The following INPP5A variants were observed in gnomAD, a reference collection of about 807,000 sequenced individuals.
The protein encoded by INPP5A is 43 kDa inositol polyphosphate 5-phophatase.
A neutral mutation model predicts 65.2 loss-of-function variants in INPP5A; 14 were observed. The ratio of observed to expected loss-of-function variants is 0.21; its 90% CI spans 0.14 to 0.34. INPP5A has a LOEUF of 0.34. Among genes scored for constraint, INPP5A ranks in the 10% least tolerant of loss-of-function variants. The pLI is 1.00. For synonymous variants in INPP5A, 207 were observed against 208.3 expected, an observed-to-expected ratio of 0.99 and a Z score of 0.05; for missense variants, 431 against 545.6, an observed-to-expected ratio of 0.79 and a Z score of 2.09.
intron 4 of INPP5A, among the ~76,000 whole-genome samples, chr10:132,658,036 C>T (rs967880024): frequency 1.3e-5 from 2 of 152,238 alleles, no homozygotes; most frequent in Non-Finnish European, 1.5e-5. Context: ...ACTGTCATAT[C>T]GATCTTTTTA....
In INPP5A at chr10:132,780,860, G is replaced by A. The variant is rs918202382; in HGVS notation, c.1101G>A (p.Glu367=). 1.9e-6 allele frequency: 3 copies of A among 1,613,334 alleles called. No homozygotes were observed. The highest frequency in any genetic ancestry group is 2.5e-6 in the Non-Finnish European group (3 of 1,179,910). ...TTTCCCCTTTCCAGTCGGAGAGCGA[G>A]GAGAAGGTTGTCACCTATGACCACA... ...AKELVLRSES[E]EKVVTYDHIG... is the part of the protein sequence containing the mutation. The change falls in exon 14 of 16, where the codon GAG becomes GAA. Residue 367 remains glutamate (E), a synonymous_variant. Transcript: ENST00000368594.
intron 2 of INPP5A, among the ~76,000 whole-genome samples, chr10:132,631,066 C>T (rs944888618): frequency 2.0e-5 from 3 of 152,202 alleles, no homozygotes; most frequent in African/African-American, 7.2e-5. Context: ...CCTGCTGGGT[C>T]CCACACCCCT....
At chr10:132,621,974 T>C (rs1388673340) in intron 2 of INPP5A, among the ~76,000 whole-genome samples, 1 of 152,196 alleles carries the variant, frequency 6.6e-6, no homozygotes, top group Non-Finnish European at 1.5e-5. Flanking sequence ...AGAACTTTAT[T>C]GGTAGAAGAC....
chr10:132,710,541 G>T (rs1036189154), intron 8 of INPP5A, 85 bp downstream of exon 8: 144 of 1,537,406 alleles, frequency 9.4e-5, no homozygotes, highest in Middle Eastern at 4.6e-4. Flanking sequence ...AGGTGTGGGC[G>T]GACAAGTAGG....
At chr10:132,716,281 G>A (rs760725364) in intron 8 of INPP5A, among the ~76,000 whole-genome samples, 5 of 152,174 alleles carry the variant, frequency 3.3e-5, no homozygotes, top group East Asian at 3.9e-4. Context: ...AGCACCTGTC[G>A]CTCCTTTGCA....
chr10:132,721,051 G>T (rs1309143163), intron 8 of INPP5A, among the ~76,000 whole-genome samples: 1 of 148,972 alleles, frequency 6.7e-6, no homozygotes, highest in African/African-American at 2.5e-5. Context: ...CTGTCTGGGG[G>T]CCTTAGATGG....
At chr10:132,683,435 C>G (rs554839649) in intron 4 of INPP5A, among the ~76,000 whole-genome samples, 1 of 152,336 alleles carries the variant, frequency 6.6e-6, no homozygotes, top group South Asian at 2.1e-4. Flanking sequence ...TGCGGTGACA[C>G]AGCAAGGCTG....
chr10:132,629,886 A>G (rs1036304932), intron 2 of INPP5A, among the ~76,000 whole-genome samples: 3 of 151,986 alleles, frequency 2.0e-5, no homozygotes, highest in Non-Finnish European at 2.9e-5. Flanking sequence ...GGGAAAGACA[A>G]TCATAAGGGG....
At chr10:132,634,263 G>T (rs553501451) in intron 2 of INPP5A, among the ~76,000 whole-genome samples, 3 of 151,596 alleles carry the variant, frequency 2.0e-5, no homozygotes, top group Non-Finnish European at 2.9e-5. Flanking sequence ...CATCTCCCTT[G>T]GCAGGTGTGC....
chr10:132,571,259 G>A (rs2133284296), intron 1 of INPP5A, among the ~76,000 whole-genome samples: 1 of 152,392 alleles, frequency 6.6e-6, no homozygotes, highest in South Asian at 2.1e-4. Flanking sequence ...AAGCAGCGAG[G>A]CCAGAGGCTC....
At chr10:132,667,683 C>T (rs748348119) in intron 4 of INPP5A, among the ~76,000 whole-genome samples, 6 of 152,174 alleles carry the variant, frequency 3.9e-5, no homozygotes, top group Non-Finnish European at 2.9e-5. Flanking sequence ...TTTTAATTTA[C>T]ACTGATATAG....
At position 132,696,972 on chromosome 10, in the gene INPP5A, G is replaced by C. The variant is rs548523695; in HGVS notation, c.371-844G>C. Reference sequence around the variant, plus strand: ...CCCCCTCTGTTCCTCCTGCCATAGTGGGGTGGATAATACCCCAGAAACTGC... The same window carrying C: ...CCCCCTCTGTTCCTCCTGCCATAGTCGGGTGGATAATACCCCAGAAACTGC... On this transcript the variant is annotated intron_variant, in intron 5 of 15. Coordinates refer to ENST00000368594, the MANE Select transcript of INPP5A (RefSeq NM_005539.5). 3.5e-4 allele frequency among the ~76,000 whole-genome samples: 53 copies of C among 152,346 alleles called. No homozygotes were observed. The East Asian group carries it at 7.7e-3, about 22-fold the overall frequency.
chr10:132,580,707 A>G (rs902329595), intron 1 of INPP5A, among the ~76,000 whole-genome samples: 1 of 152,222 alleles, frequency 6.6e-6, no homozygotes, highest in Admixed American at 6.5e-5. Context: ...TATAGCTAAC[A>G]CTTGTTTATC....
intron 4 of INPP5A, among the ~76,000 whole-genome samples, chr10:132,681,489 C>T (rs1209272054): frequency 1.3e-5 from 2 of 152,196 alleles, no homozygotes; most frequent in East Asian, 3.8e-4. Context: ...AAGGAACAAA[C>T]CCCGGACACG....
chr10:132,778,141 G>A (rs576590510), intron 13 of INPP5A, among the ~76,000 whole-genome samples: 23 of 152,262 alleles, frequency 1.5e-4, no homozygotes, highest in Admixed American at 5.2e-4. Flanking sequence ...GGGCTGGGCC[G>A]TGAAGCGCAG....
chr10:132,632,920 G>A (rs924856814), intron 2 of INPP5A, among the ~76,000 whole-genome samples: 6 of 152,358 alleles, frequency 3.9e-5, no homozygotes, highest in Admixed American at 6.5e-5. Flanking sequence ...GTGGCTTAGC[G>A]TTGGCCATGG....
chr10:132,623,326 T>TA (rs997651002), intron 2 of INPP5A, among the ~76,000 whole-genome samples: 1 of 151,670 alleles, frequency 6.6e-6, no homozygotes, highest in African/African-American at 2.4e-5. Context: ...GAAAAGAGAT[T>TA]AAGAACTAGA....
At chr10:132,631,633 C>T (rs1405854212) in intron 2 of INPP5A, among the ~76,000 whole-genome samples, 3 of 152,200 alleles carry the variant, frequency 2.0e-5, no homozygotes, top group Admixed American at 6.5e-5. Context: ...GAGTCTTGGC[C>T]GTGCCGATGG....
At chr10:132,729,301 C>G (rs927708368) in intron 9 of INPP5A, among the ~76,000 whole-genome samples, 6 of 152,220 alleles carry the variant, frequency 3.9e-5, no homozygotes, top group African/African-American at 1.4e-4. Flanking sequence ...GGCCTGCTCC[C>G]CTGGCCTCCC....
Sources: gnomAD v4.1 joint callset for allele counts (sites outside exome capture counted in the v4.1 genomes callset) on GRCh38, gnomAD v4.1.1 for gene constraint, MANE v1.5 for transcripts, NCBI Gene and HGNC (gene_info 2026-07-23, HGNC 2026-07-21) for gene names.